GUCY1A2: variants seen among roughly 807,000 people sequenced by gnomAD.
GUCY1A2 encodes the protein guanylate cyclase 1 soluble subunit alpha 2, also known as guanylate cyclase soluble subunit alpha-2.
In GUCY1A2, 27 loss-of-function variants were observed where a neutral mutation model predicts 63.5. The ratio of observed to expected loss-of-function variants is 0.43; its 90% confidence interval spans 0.31 to 0.59. GUCY1A2 has a LOEUF of 0.59. Ranked by LOEUF, GUCY1A2 falls within the 20% of genes least tolerant of loss-of-function variation. The pLI, the probability that GUCY1A2 is intolerant of heterozygous loss-of-function variation, is 0.11. For missense variants in GUCY1A2, 768 were observed against 913.3 expected (o/e 0.84, Z 2.05); for synonymous variants, 364 against 343.5 (o/e 1.06, Z -0.66).
In GUCY1A2 at chr11:106,675,363, G is replaced by T; in HGVS notation, c.*12186C>A. The T allele has an allele frequency of 5.2e-6, 1 of 191,866 alleles. No individual in the cohort carries two copies. The allele number at this position is 191,866 out of a possible 1,614,324, so 11.9% of individuals were successfully genotyped here. A position where few individuals can be genotyped will look rare whatever the true frequency, so the allele number is the denominator to read the frequency against. The stretch of plus-strand genomic sequence containing the variant: ...TTCTCCATGGACCATTATTCTATTT[G>T]AACCTAACCTGAATTCCCTCATAGT... On this transcript the variant is annotated 3_prime_UTR_variant, in exon 8 of 8. Coordinates refer to ENST00000526355, the MANE Select transcript of GUCY1A2 (RefSeq NM_000855.3).
chr11:106,826,242 T>C (rs1858969506), intron 4 of GUCY1A2: 1 of 652,210 alleles, frequency 1.5e-6, no homozygotes. Flanking sequence ...ACTTAGAATT[T>C]ATGTTTTTAT....
intron 4 of GUCY1A2, among the ~76,000 whole-genome samples, chr11:106,924,225 G>A (rs145834621): frequency 1.6e-3 from 249 of 152,236 alleles, no homozygotes; most frequent in Middle Eastern, 3.4e-3. Flanking sequence ...TTACTTAAAT[G>A]TAACATTTTT....
At chr11:106,955,201 A>G (rs1227066584) in intron 3 of GUCY1A2, among the ~76,000 whole-genome samples, 13 of 151,970 alleles carry the variant, frequency 8.6e-5, no homozygotes, top group Non-Finnish European at 1.9e-4. Context: ...TGAACTCCCA[A>G]CCTCAGGTGA....
At chr11:107,003,220 T>C (rs759253812) in intron 1 of GUCY1A2, among the ~76,000 whole-genome samples, 2 of 152,168 alleles carry the variant, frequency 1.3e-5, no homozygotes, top group South Asian at 2.1e-4. Flanking sequence ...CTTTGTTATA[T>C]AGGTCTTTAT....
At chr11:106,705,434 T>G (rs1228583593) in intron 7 of GUCY1A2, among the ~76,000 whole-genome samples, 1 of 152,186 alleles carries the variant, frequency 6.6e-6, no homozygotes, top group Non-Finnish European at 1.5e-5. Flanking sequence ...ATCTTAAAAG[T>G]ATTAAATTGT....
chr11:106,834,877 T>C (rs987308374), intron 4 of GUCY1A2, among the ~76,000 whole-genome samples: 1 of 152,000 alleles, frequency 6.6e-6, no homozygotes, highest in African/African-American at 2.4e-5. Flanking sequence ...GGATTATACC[T>C]GAAACCCTGG....
chr11:106,712,930 T>G (rs1178194925), intron 6 of GUCY1A2, among the ~76,000 whole-genome samples: 1 of 152,206 alleles, frequency 6.6e-6, no homozygotes, highest in Non-Finnish European at 1.5e-5. Context: ...ATCACTACCC[T>G]GCAGAATACA....
chr11:106,758,516 C>T (rs190695391), intron 6 of GUCY1A2, among the ~76,000 whole-genome samples: 4 of 152,270 alleles, frequency 2.6e-5, no homozygotes, highest in Admixed American at 2.6e-4. Flanking sequence ...ACCCACTGTC[C>T]AACCAGTCTC....
In GUCY1A2 at chr11:106,684,589, T is replaced by C. The variant is rs1862489992; in HGVS notation, c.*2960A>G. ...GACATTCTCTCCATCAAAATAATCC[T>C]GATACCAACGTGATGCTTTGGTGCT... On this transcript the variant is annotated 3_prime_UTR_variant, in exon 8 of 8. Transcript: ENST00000526355. 1.5e-5 allele frequency: 3 copies of C among 200,058 alleles called. No homozygotes were observed. Among genetic ancestry groups the C allele is most frequent in the Middle Eastern group, 1.6e-3 (1 of 624 alleles). The allele number at this position is 200,058 out of a possible 1,614,324, so 12.4% of individuals were successfully genotyped here.
chr11:106,934,301 G>C (rs749404290), intron 4 of GUCY1A2, among the ~76,000 whole-genome samples: 8 of 152,082 alleles, frequency 5.3e-5, no homozygotes, highest in Non-Finnish European at 8.8e-5. Flanking sequence ...ATGTCAGGTT[G>C]TTCATCACTA....
chr11:106,697,030 T>C (rs1311484195), intron 7 of GUCY1A2, among the ~76,000 whole-genome samples: 1 of 152,232 alleles, frequency 6.6e-6, no homozygotes, highest in Non-Finnish European at 1.5e-5. Context: ...AAAGATTAGT[T>C]ACAGCTCTAA....
intron 4 of GUCY1A2, among the ~76,000 whole-genome samples, chr11:106,842,505 A>C (rs1859213707): frequency 6.6e-6 from 1 of 152,046 alleles, no homozygotes; most frequent in Non-Finnish European, 1.5e-5. Context: ...TATAAGACTA[A>C]AAATGGCATT....
intron 6 of GUCY1A2, among the ~76,000 whole-genome samples, chr11:106,738,819 G>A (rs1863636896): frequency 6.6e-6 from 1 of 152,140 alleles, no homozygotes; most frequent in Non-Finnish European, 1.5e-5. Context: ...TTGAAGTCAG[G>A]TAGTGTGATG....
At chr11:106,747,365 G>T (rs1863808340) in intron 6 of GUCY1A2, among the ~76,000 whole-genome samples, 1 of 152,200 alleles carries the variant, frequency 6.6e-6, no homozygotes, top group African/African-American at 2.4e-5. Flanking sequence ...TTCAGAATCT[G>T]TAGTAGGCAA....
intron 6 of GUCY1A2, among the ~76,000 whole-genome samples, chr11:106,773,693 T>C (rs1053144436): frequency 1.3e-5 from 2 of 152,190 alleles, no homozygotes; most frequent in African/African-American, 2.4e-5. Context: ...ACTTTCAAAG[T>C]TGTGTCAAAC....
chr11:106,888,580 C>T (rs1308987840), intron 4 of GUCY1A2, among the ~76,000 whole-genome samples: 1 of 152,072 alleles, frequency 6.6e-6, no homozygotes, highest in Non-Finnish European at 1.5e-5. Flanking sequence ...TTTTTGTTTC[C>T]CTTGCTTTCT....
At chr11:106,940,401 C>A (rs1591335852) in intron 3 of GUCY1A2, among the ~76,000 whole-genome samples, 1 of 152,062 alleles carries the variant, frequency 6.6e-6, no homozygotes, top group Non-Finnish European at 1.5e-5. Context: ...GAACATGAAC[C>A]TTTTTGTTTG....
chr11:106,827,237 T>C (rs1208046601), intron 4 of GUCY1A2: 20 of 1,542,942 alleles, frequency 1.3e-5, no homozygotes, highest in Non-Finnish European at 2.7e-6. Context: ...CTAGCTTCCT[T>C]TTTCCTTCCT....
intron 4 of GUCY1A2, among the ~76,000 whole-genome samples, chr11:106,884,733 G>A (rs1591313803): frequency 1.3e-5 from 2 of 152,188 alleles, no homozygotes; most frequent in Admixed American, 1.3e-4. Flanking sequence ...ATGAATGTTA[G>A]CAAGAAGCTA....
Sources: gnomAD v4.1 joint callset for allele counts (sites outside exome capture counted in the v4.1 genomes callset) on GRCh38, gnomAD v4.1.1 for gene constraint, MANE v1.5 for transcripts, NCBI Gene and HGNC (gene_info 2026-07-23, HGNC 2026-07-21) for gene names.